Variants in RYR2 observed in about 807,000 individuals in gnomAD.
RYR2 encodes cardiac muscle ryanodine receptor-calcium release channel.
Under a neutral mutation model 601.1 loss-of-function variants are expected in RYR2, and 227 were observed. The observed-to-expected ratio is 0.38, with a 90% CI of 0.34 to 0.42. The LOEUF is 0.42. Ranked by LOEUF, RYR2 falls within the 10% of genes least tolerant of loss-of-function variation. The pLI is 1.00. For synonymous variants in RYR2, 2,223 were observed against 2,175.1 expected, an observed-to-expected ratio of 1.02 and a Z score of -0.61; for missense variants, 4,646 against 6,156.5, an observed-to-expected ratio of 0.75 and a Z score of 8.21.
At chr1:237,615,547 A>G (rs1678370891) in intron 37 of RYR2, among the ~76,000 whole-genome samples, 2 of 152,022 alleles carry the variant, frequency 1.3e-5, no homozygotes, top group Non-Finnish European at 2.9e-5. Flanking sequence ...GCTCCTCAAG[A>G]TGTCTAAAGG....
intron 1 of RYR2, among the ~76,000 whole-genome samples, chr1:237,123,303 A>G: frequency 6.6e-6 from 1 of 152,212 alleles, no homozygotes; most frequent in East Asian, 1.9e-4. Context: ...AATACTGATG[A>G]GAGCTGAGTG....
intron 45 of RYR2, among the ~76,000 whole-genome samples, chr1:237,638,715 T>A (rs2148725775): frequency 6.6e-6 from 1 of 152,336 alleles, no homozygotes; most frequent in South Asian, 2.1e-4. Flanking sequence ...TTCTCCTAAA[T>A]TTTTTATTTT....
intron 24 of RYR2, among the ~76,000 whole-genome samples, chr1:237,527,341 C>T (rs1330101280): frequency 2.6e-5 from 4 of 152,174 alleles, no homozygotes; most frequent in African/African-American, 9.7e-5. Context: ...CACCCAAAAA[C>T]AGCTTCACAG....
At chr1:237,380,383 T>TTGTAA (rs1701378173) in intron 8 of RYR2, among the ~76,000 whole-genome samples, 1 of 19,514 alleles carries the variant, frequency 5.1e-5, no homozygotes, top group Non-Finnish European at 1.0e-4. Context: ...TATATATATA[T>TTGTAA]ATATATATAT....
intron 73 of RYR2, among the ~76,000 whole-genome samples, chr1:237,722,459 AGTCTC>A (rs1481747040): frequency 6.9e-6 from 1 of 143,938 alleles, no homozygotes; most frequent in Non-Finnish European, 1.5e-5. Context: ...TTTGAGATGG[AGTCTC>A]GCTCTGTCGC....
rs748097250 is a variant in RYR2 at position 237,503,436 on chromosome 1, C to T, written c.2544C>T (p.Arg848=). ...ACAAGCAAGAAAGAACTTACACACG[C>T]GACCTGCTGGGCCCCACAGTTTCCC... is the stretch of plus-strand genomic sequence containing the variant. ...REYKQERTYT[R]DLLGPTVSLT... Residue 848 remains arginine (R), a synonymous_variant, in exon 22 of 105, where the codon CGC becomes CGT. Coordinates refer to ENST00000366574, the MANE Select transcript of RYR2 (RefSeq NM_001035.3). The T allele has an allele frequency of 1.8e-5, 29 of 1,613,802 alleles. No individual in the cohort carries two copies. The highest frequency in any genetic ancestry group is 4.4e-5 in the South Asian group (4 of 91,088).
At chr1:237,192,589 C>G (rs1680096480) in intron 1 of RYR2, among the ~76,000 whole-genome samples, 1 of 152,170 alleles carries the variant, frequency 6.6e-6, no homozygotes, top group African/African-American at 2.4e-5. Context: ...TAATAGAAAC[C>G]ACACATTCTA....
intron 17 of RYR2, among the ~76,000 whole-genome samples, chr1:237,470,625 A>C (rs1215099005): frequency 6.6e-6 from 1 of 152,216 alleles, no homozygotes; most frequent in East Asian, 1.9e-4. Context: ...ACTGTGCATT[A>C]ATTGCAGAAT....
intron 23 of RYR2, among the ~76,000 whole-genome samples, chr1:237,508,934 G>A (rs1478728126): frequency 6.6e-6 from 1 of 151,332 alleles, no homozygotes; most frequent in African/African-American, 2.4e-5. Context: ...AGTAGAGACG[G>A]GGTTTCACCG....
In RYR2 at chr1:237,792,185, C is replaced by T; in HGVS notation, c.13644C>T (p.Asp4548=). ...AAAATGCCAAAGTGACAAGCCTGGA[C>T]AGCAGCTCCCATAGAATCATCGCAG... ...SSENAKVTSL[D]SSSHRIIAVH... Residue 4548 remains aspartate, a synonymous_variant, in exon 94 of 105, where the codon GAC becomes GAT. Coordinates refer to ENST00000366574, the MANE Select transcript of RYR2 (RefSeq NM_001035.3). 6.2e-7 allele frequency: 1 copy of T among 1,613,390 alleles called. No individual in the cohort carries two copies. The highest frequency in any genetic ancestry group is 1.3e-5 in the African/African-American group (1 of 75,008).
intron 16 of RYR2, among the ~76,000 whole-genome samples, chr1:237,463,139 T>C (rs898251572): frequency 3.9e-5 from 6 of 152,182 alleles, no homozygotes; most frequent in Non-Finnish European, 7.3e-5. Context: ...TACTTGTTAA[T>C]CTCAATATTT....
rs1043851455 is a variant in RYR2 at position 237,408,587 on chromosome 1, T to C, written c.774-8462T>C. ...CACTGTGTTGAATACTGTAGCTTTA[T>C]AGTAAGTCCTGAAATCAGATAGTGT... On this transcript the variant is annotated intron_variant, in intron 10 of 104. Transcript: ENST00000366574. Among the ~76,000 whole-genome samples the C allele has an allele frequency of 1.1e-4, 16 of 152,040 alleles. 1 individual carries two copies. The highest frequency in any genetic ancestry group is 5.9e-5 in the Non-Finnish European group (4 of 68,000).
chr1:237,224,491 A>G (rs77530750), intron 1 of RYR2, among the ~76,000 whole-genome samples: 4,572 of 152,274 alleles, frequency 0.03, 233 homozygotes, highest in African/African-American at 0.1. Context: ...GGTAATAGCT[A>G]TTAGTAATAG....
At chr1:237,087,705 T>C (rs10925310) in intron 1 of RYR2, among the ~76,000 whole-genome samples, 3,804 of 152,180 alleles carry the variant, frequency 0.025, 97 homozygotes, top group African/African-American at 0.066. Context: ...GTTGGCAGAA[T>C]TGGTGCCCCT....
At chr1:237,534,403 A>G (rs1453340273) in intron 25 of RYR2, among the ~76,000 whole-genome samples, 2 of 152,086 alleles carry the variant, frequency 1.3e-5, no homozygotes, top group African/African-American at 2.4e-5. Flanking sequence ...TCAGAAACTG[A>G]TATGTGTAAC....
chr1:237,647,321 C>A (rs1010826267), intron 48 of RYR2, among the ~76,000 whole-genome samples: 1 of 152,158 alleles, frequency 6.6e-6, no homozygotes, highest in African/African-American at 2.4e-5. Flanking sequence ...AGCAGCCTCA[C>A]AGTTGGGTTG....
intron 4 of RYR2, among the ~76,000 whole-genome samples, chr1:237,362,722 A>C (rs1699881696): frequency 6.6e-6 from 1 of 152,192 alleles, no homozygotes; most frequent in African/African-American, 2.4e-5. Context: ...TTTGTACAGA[A>C]AGTTATTGTC....
Position 237,778,757 on chromosome 1 carries a change from T to C in RYR2, c.11867T>C (p.Met3956Thr). 1 of 1,599,016 alleles carries C rather than the reference T, an allele frequency of 6.3e-7. No homozygotes were observed. Among genetic ancestry groups the C allele is most frequent in the Non-Finnish European group, 8.6e-7 (1 of 1,166,510 alleles). Reference protein sequence around the residue: ...GFLHVFAHMQMKLSQDSSQIE... With the variant: ...GFLHVFAHMQTKLSQDSSQIE... ...CTTCATGTGTTTGCCCATATGCAGATGAAGCTGTCGCAGGTAAACTAACTA... is the reference window on the plus strand; with the variant it reads ...CTTCATGTGTTTGCCCATATGCAGACGAAGCTGTCGCAGGTAAACTAACTA... The change falls in exon 88 of 105, where the codon ATG becomes ACG. Residue 3956 changes from methionine (M) to threonine (T), a missense_variant. Transcript: ENST00000366574.
At chr1:237,431,710 T>G (rs1706821690) in intron 12 of RYR2, among the ~76,000 whole-genome samples, 2 of 152,164 alleles carry the variant, frequency 1.3e-5, no homozygotes, top group Admixed American at 1.3e-4. Context: ...TGTGAAGATT[T>G]CAAGTGTTTG....
Sources: gnomAD v4.1 joint callset for allele counts (sites outside exome capture counted in the v4.1 genomes callset) on GRCh38, gnomAD v4.1.1 for gene constraint, MANE v1.5 for transcripts, NCBI Gene and HGNC (gene_info 2026-07-23, HGNC 2026-07-21) for gene names.